Variants in RANBP2 observed in about 807,000 individuals in gnomAD.
RANBP2 encodes the protein RAN binding protein 2.
In RANBP2, 57 loss-of-function variants were observed where a neutral mutation model predicts 303.6. The observed-to-expected ratio is 0.19, with a 90% CI of 0.15 to 0.23. RANBP2 has a LOEUF of 0.23. Ranked by LOEUF, RANBP2 falls within the 10% of genes least tolerant of loss-of-function variation. The pLI, the probability that RANBP2 is intolerant of heterozygous loss-of-function variation, is 1.00. For missense variants in RANBP2, 3,138 were observed against 3,780.8 expected (o/e 0.83, Z 4.46); for synonymous variants, 1,167 against 1,301.5 (o/e 0.90, Z 2.23).
At chr2:109,300,622 TG>T in the RANBP2 span, among the ~76,000 whole-genome samples, 3 of 152,210 alleles carry the variant, frequency 2.0e-5, no homozygotes, top group Non-Finnish European at 4.4e-5. Flanking sequence ...AGGTTCTTCC[TG>T]GTGGTAAGAA....
At chr2:109,490,269 G>A in the RANBP2 span, among the ~76,000 whole-genome samples, 23 of 152,222 alleles carry the variant, frequency 1.5e-4, no homozygotes, top group African/African-American at 3.1e-4. Flanking sequence ...CTTACTGCTT[G>A]ACTCCGGAGC....
chr2:109,146,924 T>A, the RANBP2 span, among the ~76,000 whole-genome samples: 27 of 115,646 alleles, frequency 2.3e-4, 1 homozygote, highest in South Asian at 8.3e-3. Flanking sequence ...TATGAAGGCC[T>A]CAGAGTCCTG....
At chr2:109,222,128 A>T in the RANBP2 span, among the ~76,000 whole-genome samples, 1 of 151,722 alleles carries the variant, frequency 6.6e-6, no homozygotes, top group Non-Finnish European at 1.5e-5. Context: ...TCTCACTCAT[A>T]TGTGGAAGCT....
chr2:109,281,053 G>A, the RANBP2 span, among the ~76,000 whole-genome samples: 6 of 152,220 alleles, frequency 3.9e-5, no homozygotes, highest in Non-Finnish European at 1.5e-5. Context: ...AGCCGACCTT[G>A]TATGCCATGA....
chr2:108,934,821 A>G, the RANBP2 span, among the ~76,000 whole-genome samples: 1,657 of 152,294 alleles, frequency 0.011, 31 homozygotes, highest in African/African-American at 0.037. Context: ...TTCACTGGGG[A>G]TTAAGGGATT....
the RANBP2 span, among the ~76,000 whole-genome samples, chr2:109,199,834 G>C: frequency 3.3e-5 from 2 of 60,048 alleles, no homozygotes; most frequent in African/African-American, 4.7e-5. Context: ...GAATGGAATG[G>C]AATGGAATGG....
At chr2:109,502,718 T>C in the RANBP2 span, 2 of 152,222 alleles carry the variant, frequency 1.3e-5, no homozygotes, top group African/African-American at 4.8e-5. Flanking sequence ...TAATTGTCCT[T>C]TTGTGTGGCG....
At position 108,767,991 on chromosome 2, in the gene RANBP2, G is replaced by T. The variant is rs769003937; in HGVS notation, c.7452G>T (p.Gln2484His). ...CAAGAGAGAGGACAGATGTTATTCAGGGTGATGATGTAGCAGATGCAACTT... is the reference window on the plus strand; with the variant it reads ...CAAGAGAGAGGACAGATGTTATTCATGGTGATGATGTAGCAGATGCAACTT... Reference protein sequence around the residue: ...ETTRERTDVIQGDDVADATSE... With the variant: ...ETTRERTDVIHGDDVADATSE... Residue 2484 changes from glutamine to histidine, a missense_variant, in exon 20 of 29, where the codon CAG becomes CAT. Physicochemically the swap from Gln to His is conservative, Grantham distance 24. Coordinates refer to ENST00000283195, the MANE Select transcript of RANBP2 (RefSeq NM_006267.5). The T allele has an allele frequency of 1.2e-6, 2 of 1,611,870 alleles. No homozygotes were observed. Among genetic ancestry groups the T allele is most frequent in the Non-Finnish European group, 1.7e-6 (2 of 1,179,868 alleles).
the RANBP2 span, among the ~76,000 whole-genome samples, chr2:109,130,482 C>T: frequency 6.6e-6 from 1 of 152,230 alleles, no homozygotes; most frequent in African/African-American, 2.4e-5. Context: ...ACACCCTGGG[C>T]CTGCCTAGAG....
chr2:108,845,401 G>A, the RANBP2 span, among the ~76,000 whole-genome samples: 1 of 152,042 alleles, frequency 6.6e-6, no homozygotes, highest in Non-Finnish European at 1.5e-5. Flanking sequence ...TCAATACTGA[G>A]TTAGGAACCA....
chr2:108,851,238 C>G, the RANBP2 span, among the ~76,000 whole-genome samples: 1 of 152,146 alleles, frequency 6.6e-6, no homozygotes. Context: ...CCAGAAATCT[C>G]CATATGTCCA....
At chr2:109,463,795 T>G in the RANBP2 span, among the ~76,000 whole-genome samples, 2 of 152,200 alleles carry the variant, frequency 1.3e-5, no homozygotes, top group Non-Finnish European at 2.9e-5. Flanking sequence ...CTCTGTGACA[T>G]GGAGAGATGC....
At chr2:109,494,107 C>T in the RANBP2 span, among the ~76,000 whole-genome samples, 40,936 of 152,038 alleles carry the variant, frequency 0.27, 5,838 homozygotes, top group East Asian at 0.5. Flanking sequence ...CCCCTAGGAT[C>T]CTTCTTCCCC....
chr2:108,821,018 T>TAA, the RANBP2 span, among the ~76,000 whole-genome samples: 1,684 of 152,012 alleles, frequency 0.011, 35 homozygotes, highest in African/African-American at 0.034. Flanking sequence ...ACAAAAGTAT[T>TAA]AAAAAAAACT....
the RANBP2 span, among the ~76,000 whole-genome samples, chr2:108,890,105 C>T: frequency 6.8e-6 from 1 of 147,480 alleles, no homozygotes. Context: ...GATAATTTTG[C>T]TGGATATAGT....
the RANBP2 span, among the ~76,000 whole-genome samples, chr2:109,475,128 C>A: frequency 6.6e-6 from 1 of 152,180 alleles, no homozygotes. Context: ...CAGGTGCGCA[C>A]CACCACGCCC....
chr2:109,210,394 G>A, the RANBP2 span, among the ~76,000 whole-genome samples: 1 of 152,206 alleles, frequency 6.6e-6, no homozygotes, highest in African/African-American at 2.4e-5. Flanking sequence ...TCTTTTCCGT[G>A]CTCCCTCGTT....
At chr2:109,669,549 G>A in the RANBP2 span, among the ~76,000 whole-genome samples, 1,071 of 152,216 alleles carry the variant, frequency 7.0e-3, 10 homozygotes, top group African/African-American at 0.021. Flanking sequence ...TTTTTTGAGA[G>A]AAGACACATG....
chr2:109,454,665 A>G, the RANBP2 span, among the ~76,000 whole-genome samples: 1 of 152,144 alleles, frequency 6.6e-6, no homozygotes, highest in Non-Finnish European at 1.5e-5. Flanking sequence ...TTTAGATTGG[A>G]TGGGATAAAC....
Sources: allele counts gnomAD v4.1 joint callset (sites outside exome capture counted in the v4.1 genomes callset), GRCh38; gene constraint gnomAD v4.1.1; transcripts MANE v1.5; gene names NCBI Gene and HGNC (gene_info 2026-07-23, HGNC 2026-07-21).